CA1: variants seen among roughly 807,000 people sequenced by gnomAD.
The protein encoded by CA1 is carbonic anhydrase 1.
A neutral mutation model predicts 28.8 loss-of-function variants in CA1; 27 were observed. The ratio of observed to expected loss-of-function variants is 0.94; its 90% CI spans 0.69 to 1.29. CA1 has a LOEUF of 1.29. Ranked by LOEUF, CA1 falls within the 50% of genes most tolerant of loss-of-function variation. The probability of loss-of-function intolerance (pLI) is 0.00; values close to 1 mark genes in which losing one functional copy is unlikely to be tolerated. For missense variants in CA1, 335 were observed against 310.5 expected (o/e 1.08, Z -0.59); for synonymous variants, 121 against 108.8 (o/e 1.11, Z -0.70).
At position 85,328,387 on chromosome 8, in the gene CA1, G is replaced by T. The variant is rs1808256223; in HGVS notation, c.*173C>A. On this transcript the variant is annotated 3_prime_UTR_variant, in exon 8 of 8. Transcript: ENST00000523022. ...TTTGCTAGCTTACTAATTATTATTTGAATTAAGCAGTAAGAACTAAAATTT... is the reference window on the plus strand; with the variant it reads ...TTTGCTAGCTTACTAATTATTATTTTAATTAAGCAGTAAGAACTAAAATTT... The T allele has an allele frequency of 4.1e-6, 2 of 486,336 alleles. No individual in the cohort carries two copies. The highest frequency in any genetic ancestry group is 3.6e-6 in the Non-Finnish European group (1 of 274,884). 30.1% of individuals were successfully genotyped at this position (486,336 alleles called of 1,614,324 possible).
chr8:85,328,984 T>A, intron 7 of CA1, among the ~76,000 whole-genome samples: 1 of 152,082 alleles, frequency 6.6e-6, no homozygotes, highest in Non-Finnish European at 1.5e-5. Context: ...TCAGCTGGGG[T>A]ACGTTGGGCG....
intron 1 of CA1, among the ~76,000 whole-genome samples, chr8:85,363,122 G>A (rs191400255): frequency 5.6e-4 from 86 of 152,246 alleles, no homozygotes; most frequent in African/African-American, 1.7e-3. Context: ...AAAAGTAAAG[G>A]GAACATGTTT....
intron 1 of CA1, chr8:85,343,059 G>A (rs1808991865): frequency 6.6e-6 from 1 of 151,876 alleles, no homozygotes; most frequent in East Asian, 1.9e-4. Context: ...TTTATTGAAG[G>A]CCCAACAGGG....
chr8:85,342,216 A>G (rs1390044707), intron 1 of CA1, among the ~76,000 whole-genome samples: 1 of 152,104 alleles, frequency 6.6e-6, no homozygotes, highest in Admixed American at 6.6e-5. Context: ...AATAAAGTCC[A>G]TTTTGGAGCA....
intron 2 of CA1, 113 bp downstream of exon 2, chr8:85,341,486 A>T (rs1162936646): frequency 1.3e-5 from 10 of 745,152 alleles, no homozygotes; most frequent in Admixed American, 7.7e-5. Flanking sequence ...TTTAAAGCAG[A>T]CAGTTCAACA....
intron 1 of CA1, among the ~76,000 whole-genome samples, chr8:85,373,914 C>T (rs1026895191): frequency 6.6e-6 from 1 of 152,024 alleles, no homozygotes; most frequent in Non-Finnish European, 1.5e-5. Context: ...GTAATTGCTG[C>T]CAGAGCTCGG....
chr8:85,364,078 C>T (rs113218091), intron 1 of CA1, among the ~76,000 whole-genome samples: 19,710 of 151,964 alleles, frequency 0.13, 1,622 homozygotes, highest in Non-Finnish European at 0.19. Flanking sequence ...TGGGCTCAAG[C>T]GATCTGCCCA....
intron 2 of CA1, 48 bp from the exon 3 acceptor site, chr8:85,338,497 T>G (rs752645712): frequency 6.8e-7 from 1 of 1,463,508 alleles, no homozygotes; most frequent in South Asian, 1.1e-5. Context: ...AAATGCTTGA[T>G]TCCAAGTTTT....
rs550626337 is a variant in CA1, at chr8:85,335,870, A to G, written c.354+1075T>C. ...ATGCTTTACAACACAAGGTAAAGCA[A>G]GTTTTATTTGTATACAATCTGCTGA... On this transcript the variant is annotated intron_variant, in intron 4 of 7. Transcript: ENST00000523022. Among the ~76,000 whole-genome samples the G allele has an allele frequency of 2.3e-4, 35 of 152,300 alleles. 1 individual carries two copies. Among genetic ancestry groups the G allele is most frequent in the Admixed American group, 1.5e-3 (23 of 15,296 alleles).
rs121909577 is a variant in CA1, at chr8:85,328,586, C to G, written c.760G>C (p.Gly254Arg). ...CAAAATGAAGCTCTCACTGTTCTGCCCTTCAGAGGTTGGGTTGGGCGGTTG... is the reference window on the plus strand; with the variant it reads ...CAAAATGAAGCTCTCACTGTTCTGCGCTTCAGAGGTTGGGTTGGGCGGTTG... ...HNNRPTQPLKGRTVRASF is the reference protein window; with the variant it reads ...HNNRPTQPLKRRTVRASF Residue 254 changes from glycine (G) to arginine (R), a missense_variant, in exon 8 of 8, where the codon GGC becomes CGC. Coordinates refer to ENST00000523022, the MANE Select transcript of CA1 (RefSeq NM_001128831.4). 6.2e-6 allele frequency: 10 copies of G among 1,609,134 alleles called. No homozygotes were observed. Among genetic ancestry groups the G allele is most frequent in the East Asian group, 4.5e-5 (2 of 44,812 alleles).
Position 85,328,665 on chromosome 8 carries a change from G to A in CA1, c.681C>T (p.Phe227=), listed in dbSNP as rs772797236. Residue 227 remains phenylalanine (F), a synonymous_variant, in exon 8 of 8, where the codon TTC becomes TTT. Coordinates refer to ENST00000523022, the MANE Select transcript of CA1 (RefSeq NM_001128831.4). ...ISVSSEQLAQ[F]RSLLSNVEGD... The stretch of plus-strand genomic sequence containing the variant: ...CTTCAACATTTGATAGAAGGCTGCG[G>A]AATTGTGCCAGCTAGAAGGATAAAA... 7 of 1,602,186 alleles carry A rather than the reference G, an allele frequency of 4.4e-6. No homozygotes were observed. Among genetic ancestry groups the A allele is most frequent in the Non-Finnish European group, 6.0e-6 (7 of 1,170,568 alleles).
At chr8:85,341,485 G>A in intron 2 of CA1, 114 bp downstream of exon 2, 1 of 743,250 alleles carries the variant, frequency 1.3e-6, no homozygotes, top group Non-Finnish European at 2.4e-6. Flanking sequence ...ATTTAAAGCA[G>A]ACAGTTCAAC....
At chr8:85,337,124 A>C in intron 3 of CA1, 61 bp from the exon 4 acceptor site, 1 of 922,190 alleles carries the variant, frequency 1.1e-6, no homozygotes, top group Admixed American at 1.7e-5. Flanking sequence ...TTATCTTTGC[A>C]TTTAATATAA....
At chr8:85,375,254 G>A (rs944294592) in intron 1 of CA1, among the ~76,000 whole-genome samples, 1 of 152,160 alleles carries the variant, frequency 6.6e-6, no homozygotes, top group African/African-American at 2.4e-5. Context: ...CAAGGGCAAT[G>A]AGAGAAACCT....
chr8:85,353,583 C>G (rs1161891596), intron 1 of CA1, among the ~76,000 whole-genome samples: 1 of 152,058 alleles, frequency 6.6e-6, no homozygotes, highest in African/African-American at 2.4e-5. Context: ...TATTACTATA[C>G]AAAGAGTAAT....
Position 85,332,571 on chromosome 8 carries a change from A to C in CA1, c.451-19T>G. On this transcript the variant is annotated intron_variant, in intron 5 of 7. Coordinates refer to ENST00000523022, the MANE Select transcript of CA1 (RefSeq NM_001128831.4). ...CACCAACCTGGAGATTTAAGAAAATAAAGTATGAGATAAAGATTATTATCA... is the reference window on the plus strand; with the variant it reads ...CACCAACCTGGAGATTTAAGAAAATCAAGTATGAGATAAAGATTATTATCA... The C allele has an allele frequency of 6.3e-7, 1 of 1,584,988 alleles. No individual in the cohort carries two copies. The highest frequency in any genetic ancestry group is 8.7e-7 in the Non-Finnish European group (1 of 1,153,918).
chr8:85,365,959 T>C (rs1280414572), intron 1 of CA1, among the ~76,000 whole-genome samples: 1 of 152,138 alleles, frequency 6.6e-6, no homozygotes, highest in Non-Finnish European at 1.5e-5. Flanking sequence ...CTCAGAACCC[T>C]TGGCTCCCTG....
intron 1 of CA1, among the ~76,000 whole-genome samples, chr8:85,353,166 A>G (rs1809475651): frequency 6.6e-6 from 1 of 152,244 alleles, no homozygotes; most frequent in African/African-American, 2.4e-5. Flanking sequence ...AACATGAGCC[A>G]TTAATCTTGT....
chr8:85,332,086 G>A (rs564084779), intron 6 of CA1, among the ~76,000 whole-genome samples: 1 of 152,152 alleles, frequency 6.6e-6, no homozygotes, highest in Non-Finnish European at 1.5e-5. Flanking sequence ...AAGAGTTATG[G>A]TTATCAAAGA....
Sources: gnomAD v4.1 joint callset for allele counts (sites outside exome capture counted in the v4.1 genomes callset) on GRCh38, gnomAD v4.1.1 for gene constraint, MANE v1.5 for transcripts, NCBI Gene and HGNC (gene_info 2026-07-23, HGNC 2026-07-21) for gene names.